Variants in SERPINH1 observed in about 807,000 individuals in gnomAD.
SERPINH1 encodes serpin family H member 1.
Under a neutral mutation model 32.3 loss-of-function variants are expected in SERPINH1, and 22 were observed. The observed-to-expected ratio is 0.68, with a 90% confidence interval of 0.49 to 0.97. The LOEUF is 0.97. Among genes scored for constraint, SERPINH1 ranks in the 50% least tolerant of loss-of-function variants. The pLI, the probability that SERPINH1 is intolerant of heterozygous loss-of-function variation, is 0.00. For missense variants in SERPINH1, 543 were observed against 576.4 expected (o/e 0.94, Z 0.59); for synonymous variants, 251 against 245.9 (o/e 1.02, Z -0.19).
In SERPINH1 at chr11:75,572,239, C is replaced by T. The variant is rs889248139; in HGVS notation, c.*156C>T. 4 of 734,242 alleles carry T rather than the reference C, an allele frequency of 5.4e-6. No individual in the cohort carries two copies. Among genetic ancestry groups the T allele is most frequent in the Non-Finnish European group, 7.1e-6 (3 of 422,480 alleles). The allele number at this position is 734,242 out of a possible 1,614,324, so 45.5% of individuals were successfully genotyped here. On this transcript the variant is annotated 3_prime_UTR_variant, in exon 5 of 5. Transcript: ENST00000358171. ...CGGGGTTCCCGTGTGCCTGAGCGGA[C>T]CTTCCCAGCTAGAATTCACTCCACT...
intron 2 of SERPINH1, among the ~76,000 whole-genome samples, chr11:75,567,363 C>G (rs1258937504): frequency 2.0e-5 from 3 of 152,146 alleles, no homozygotes; most frequent in African/African-American, 7.2e-5. Flanking sequence ...ACTCTGTCAC[C>G]CAGGCTGGAG....
Position 75,572,158 on chromosome 11 carries a change from G to A in SERPINH1, c.*75G>A. 6.9e-7 allele frequency: 1 copy of A among 1,446,630 alleles called. No homozygotes were observed. Among genetic ancestry groups the A allele is most frequent in the East Asian group, 2.3e-5 (1 of 42,720 alleles). 89.6% of individuals were successfully genotyped at this position (1,446,630 alleles called of 1,614,324 possible). ...ACACATGGGTGCTATTGGGGTTGGGGGGGAGGTGAGGTACCAGCCTTGGAT... is the reference window on the plus strand; with the variant it reads ...ACACATGGGTGCTATTGGGGTTGGGAGGGAGGTGAGGTACCAGCCTTGGAT... On this transcript the variant is annotated 3_prime_UTR_variant, in exon 5 of 5. Transcript: ENST00000358171.
Position 75,568,924 on chromosome 11 carries a change from C to T in SERPINH1, c.722-15C>T, listed in dbSNP as rs955034503. The T allele has an allele frequency of 4.3e-6, 7 of 1,613,018 alleles. No homozygotes were observed. Among genetic ancestry groups the T allele is most frequent in the Middle Eastern group, 1.7e-4 (1 of 6,058 alleles). Reference sequence around the variant, plus strand: ...GCACACAGGGTGCCCAGTGTCCTTTCCGCTCCTCTCCCAGGCCTCTACAAC... The same window carrying T: ...GCACACAGGGTGCCCAGTGTCCTTTTCGCTCCTCTCCCAGGCCTCTACAAC... On this transcript the variant is annotated splice_polypyrimidine_tract_variant and intron_variant, in intron 3 of 4. Coordinates refer to ENST00000358171, the MANE Select transcript of SERPINH1 (RefSeq NM_001235.5).
At chr11:75,567,555 C>A (rs1216299114) in intron 2 of SERPINH1, among the ~76,000 whole-genome samples, 1 of 152,224 alleles carries the variant, frequency 6.6e-6, no homozygotes, top group Non-Finnish European at 1.5e-5. Flanking sequence ...CTTTTGGTCT[C>A]AAGTGATCTG....
At chr11:75,569,275 A>G (rs536622712) in intron 4 of SERPINH1, 104 bp downstream of exon 4, 5 of 810,304 alleles carry the variant, frequency 6.2e-6, no homozygotes, top group African/African-American at 1.7e-5. Flanking sequence ...GACCCCCTGG[A>G]TGTCCAGGCA....
chr11:75,564,513 A>G lies in SERPINH1; in HGVS notation c.-34-1803A>G, dbSNP rs138327317. 1.6e-4 allele frequency among the ~76,000 whole-genome samples: 24 copies of G among 152,244 alleles called. No individual in the cohort carries two copies. In the South Asian group the frequency reaches 2.5e-3, roughly 16 times the overall value. On this transcript the variant is annotated intron_variant, in intron 1 of 4. Coordinates refer to ENST00000358171, the MANE Select transcript of SERPINH1 (RefSeq NM_001235.5). Reference sequence around the variant, plus strand: ...TTTTGAGTAGGGTGGCCATATGCCTATTGTCCTGGCATAATAATTAGTAGT... The same window carrying G: ...TTTTGAGTAGGGTGGCCATATGCCTGTTGTCCTGGCATAATAATTAGTAGT...
At position 75,566,550 on chromosome 11, in the gene SERPINH1, C is replaced by A. The variant is rs745482523; in HGVS notation, c.201C>A (p.Ile67=). The A allele has an allele frequency of 6.2e-7, 1 of 1,610,974 alleles. No individual in the cohort carries two copies. Residue 67 remains isoleucine, a synonymous_variant, in exon 2 of 5, where the codon ATC becomes ATA. Transcript: ENST00000358171. The part of the protein sequence containing the change: ...AMAKDQAVEN[I]LVSPVVVASS... Reference sequence around the variant, plus strand: ...CCAAGGACCAGGCAGTGGAGAACATCCTGGTGTCACCCGTGGTGGTGGCCT... The same window carrying A: ...CCAAGGACCAGGCAGTGGAGAACATACTGGTGTCACCCGTGGTGGTGGCCT...
At position 75,566,742 on chromosome 11, in the gene SERPINH1, C is replaced by T. The variant is rs760571465; in HGVS notation, c.393C>T (p.Gly131=). 3.7e-6 allele frequency: 6 copies of T among 1,612,946 alleles called. No homozygotes were observed. In the African/African-American group the frequency reaches 8.0e-5, roughly 22 times the overall value. Residue 131 remains glycine, a synonymous_variant, in exon 2 of 5, where the codon GGC becomes GGT. Transcript: ENST00000358171. ...CGCGCAACGTGACCTGGAAGCTGGG[C>T]AGCCGACTGTACGGACCCAGCTCAG... ...STARNVTWKL[G]SRLYGPSSVS...
intron 2 of SERPINH1, 81 bp downstream of exon 2, chr11:75,567,052 C>T (rs1002934246): frequency 1.4e-6 from 2 of 1,438,042 alleles, no homozygotes; most frequent in African/African-American, 2.8e-5. Flanking sequence ...CCGTGCGCTC[C>T]ATTCTTCACT....
chr11:75,568,908 G>A (rs1159499840), intron 3 of SERPINH1, 31 bp from the exon 4 acceptor site: 6 of 1,609,584 alleles, frequency 3.7e-6, no homozygotes, highest in African/African-American at 1.3e-5. Flanking sequence ...TGCACACAGG[G>A]TGCCCAGTGT....
rs12978 is a variant in SERPINH1, at chr11:75,572,573, G to A, written c.*490G>A. The A allele has an allele frequency of 0.022, 4,218 of 189,186 alleles. 201 individuals are homozygous for A. The highest frequency in any genetic ancestry group is 0.092 in the African/African-American group (3,942 of 42,828). The allele number at this position is 189,186 out of a possible 1,614,324, so 11.7% of individuals were successfully genotyped here. ...CAGAATGACCTGGCCGCAGTGAGGC[G>A]GATTGAGAAGGAGCTCCCAGGAGGG... is the stretch of plus-strand genomic sequence containing the variant. On this transcript the variant is annotated 3_prime_UTR_variant, in exon 5 of 5. Coordinates refer to ENST00000358171, the MANE Select transcript of SERPINH1 (RefSeq NM_001235.5).
At chr11:75,570,182 CA>C (rs1343421219) in intron 4 of SERPINH1, among the ~76,000 whole-genome samples, 16 of 152,124 alleles carry the variant, frequency 1.1e-4, no homozygotes, top group African/African-American at 2.9e-4. Context: ...TTGACTTACC[CA>C]AAAAAGGAAA....
intron 1 of SERPINH1, chr11:75,563,578 C>T (rs1346007761): frequency 1.3e-5 from 2 of 152,610 alleles, no homozygotes; most frequent in African/African-American, 4.8e-5. Context: ...ACCCCCTGCC[C>T]TGGCCTTGTT....
At chr11:75,571,745 C>T in intron 4 of SERPINH1, 36 bp from the exon 5 acceptor site, 1 of 1,602,468 alleles carries the variant, frequency 6.2e-7, no homozygotes, top group South Asian at 1.1e-5. Context: ...GCCTGGCAGC[C>T]ATGGCCTCAC....
rs1942139677 is a variant in SERPINH1 at position 75,568,766 on chromosome 11, G to A, written c.658G>A (p.Asp220Asn). ...TGAGAAATTCCACCACAAGATGGTGGACAACCGTGGCTTCATGGTGACTCG... is the reference window on the plus strand; with the variant it reads ...TGAGAAATTCCACCACAAGATGGTGAACAACCGTGGCTTCATGGTGACTCG... The part of the protein sequence containing the change: ...WDEKFHHKMV[D>N]NRGFMVTRSY... The change falls in exon 3 of 5, where the codon GAC becomes AAC. Residue 220 changes from aspartate (D) to asparagine (N), a missense_variant. By Grantham distance (23) the Asp-to-Asn change is conservative (BLOSUM62 1). Coordinates refer to ENST00000358171, the MANE Select transcript of SERPINH1 (RefSeq NM_001235.5). The A allele has an allele frequency of 1.2e-6, 2 of 1,613,694 alleles. No individual in the cohort carries two copies. Among genetic ancestry groups the A allele is most frequent in the Non-Finnish European group, 8.5e-7 (1 of 1,179,970 alleles).
In SERPINH1 at chr11:75,566,979, G is replaced by T. The variant is rs781004270; in HGVS notation, c.622+8G>T. The T allele has an allele frequency of 2.2e-5, 35 of 1,589,090 alleles. No individual in the cohort carries two copies. The Admixed American group carries it at 4.0e-4, about 18-fold the overall frequency. ...ACGCCATGTTCTTCAAGCGTGAGTCGGGGGCGCGTTCAGGGGTCCTCCTCC... is the reference window on the plus strand; with the variant it reads ...ACGCCATGTTCTTCAAGCGTGAGTCTGGGGCGCGTTCAGGGGTCCTCCTCC... On this transcript the variant is annotated splice_region_variant and intron_variant, in intron 2 of 4. Coordinates refer to ENST00000358171, the MANE Select transcript of SERPINH1 (RefSeq NM_001235.5).
chr11:75,569,320 G>A (rs1942157182), intron 4 of SERPINH1, 149 bp downstream of exon 4: 1 of 633,460 alleles, frequency 1.6e-6, no homozygotes, highest in Non-Finnish European at 2.8e-6. Flanking sequence ...GCTGGGGCAG[G>A]AGGTGTGGGC....
At position 75,571,919 on chromosome 11, in the gene SERPINH1, C is replaced by A. The variant is rs1942203002; in HGVS notation, c.1093C>A (p.Pro365Thr). The A allele has an allele frequency of 5.0e-6, 8 of 1,614,112 alleles. No homozygotes were observed. Among genetic ancestry groups the A allele is most frequent in the East Asian group, 4.5e-5 (2 of 44,892 alleles). ...CTTTGAGTTGGACACAGATGGCAAC[C>A]CCTTTGACCAGGACATCTACGGGCG... ...TAFELDTDGN[P>T]FDQDIYGREE... The change falls in exon 5 of 5, where the codon CCC becomes ACC. Residue 365 changes from proline (P) to threonine (T), a missense_variant. Transcript: ENST00000358171.
chr11:75,562,578 T>A (rs1941997357), intron 1 of SERPINH1: 1 of 152,138 alleles, frequency 6.6e-6, no homozygotes. Context: ...CTCGGAGGAC[T>A]GGGAAAAAGT....
Sources: allele counts gnomAD v4.1 joint callset (sites outside exome capture counted in the v4.1 genomes callset), GRCh38; gene constraint gnomAD v4.1.1; transcripts MANE v1.5; gene names NCBI Gene and HGNC (gene_info 2026-07-23, HGNC 2026-07-21).